The following BMP5 variants were observed in gnomAD, a reference collection of about 807,000 sequenced individuals.
BMP5 encodes the protein bone morphogenetic protein 5.
In BMP5, 23 loss-of-function variants were observed where a neutral mutation model predicts 46.6. That is an observed-to-expected ratio of 0.49 (90% CI 0.35 to 0.70). The LOEUF is 0.70. Ranked by LOEUF, BMP5 falls within the 30% of genes least tolerant of loss-of-function variation. The probability of loss-of-function intolerance (pLI) is 0.00; values close to 1 mark genes in which losing one functional copy is unlikely to be tolerated. For missense variants in BMP5, 545 were observed against 565.6 expected (o/e 0.96, Z 0.37); for synonymous variants, 204 against 191.9 (o/e 1.06, Z -0.52).
chr6:55,756,922 A>T (rs1022695535), intron 6 of BMP5, among the ~76,000 whole-genome samples: 6 of 152,076 alleles, frequency 3.9e-5, no homozygotes, highest in African/African-American at 1.2e-4. Flanking sequence ...AGTCACAAAC[A>T]TGCTTTCCTC....
At chr6:55,864,212 T>A (rs1296570781) in intron 1 of BMP5, among the ~76,000 whole-genome samples, 3 of 152,156 alleles carry the variant, frequency 2.0e-5, no homozygotes, top group Non-Finnish European at 4.4e-5. Context: ...CCATCACAAT[T>A]AAAAATCTAG....
chr6:55,783,275 A>T (rs761879057), intron 3 of BMP5, among the ~76,000 whole-genome samples: 3 of 152,102 alleles, frequency 2.0e-5, no homozygotes, highest in South Asian at 2.1e-4. Context: ...GAGTGGGGAT[A>T]TATAATTTAA....
intron 1 of BMP5, among the ~76,000 whole-genome samples, chr6:55,853,138 TAAATA>T (rs750937640): frequency 0.074 from 7,860 of 106,908 alleles, 134 homozygotes; most frequent in East Asian, 0.12. Flanking sequence ...CTCAAATACA[TAAATA>T]AAATAAAATA....
chr6:55,803,826 G>A, intron 2 of BMP5, among the ~76,000 whole-genome samples: 1 of 152,192 alleles, frequency 6.6e-6, no homozygotes, highest in East Asian at 1.9e-4. Context: ...GCATGAGAAA[G>A]ACATGGTTTC....
intron 1 of BMP5, among the ~76,000 whole-genome samples, chr6:55,857,031 A>T (rs935756447): frequency 6.6e-6 from 1 of 152,144 alleles, no homozygotes; most frequent in South Asian, 2.1e-4. Flanking sequence ...GTAAAGTTTT[A>T]TGTGGTTCAT....
chr6:55,800,610 A>G (rs555346944), intron 2 of BMP5, among the ~76,000 whole-genome samples: 2 of 152,284 alleles, frequency 1.3e-5, no homozygotes, highest in South Asian at 4.1e-4. Flanking sequence ...CTATTTTTCT[A>G]GTCAGCTGAA....
intron 1 of BMP5, among the ~76,000 whole-genome samples, chr6:55,850,685 T>C (rs1777218447): frequency 6.6e-6 from 1 of 152,200 alleles, no homozygotes; most frequent in Non-Finnish European, 1.5e-5. Context: ...GGCACTGCCA[T>C]TCATCATAAG....
intron 1 of BMP5, among the ~76,000 whole-genome samples, chr6:55,862,215 T>A (rs1777540541): frequency 6.6e-6 from 1 of 152,240 alleles, no homozygotes; most frequent in South Asian, 2.1e-4. Flanking sequence ...TATATCCATA[T>A]TTTGATGCAA....
chr6:55,827,869 A>C (rs1776568976), intron 1 of BMP5, among the ~76,000 whole-genome samples: 1 of 151,822 alleles, frequency 6.6e-6, no homozygotes, highest in Non-Finnish European at 1.5e-5. Context: ...AATATTTGAG[A>C]ATGTTTTGTG....
At chr6:55,762,269 C>T (rs934312177) in intron 4 of BMP5, among the ~76,000 whole-genome samples, 1 of 152,012 alleles carries the variant, frequency 6.6e-6, no homozygotes, top group Non-Finnish European at 1.5e-5. Flanking sequence ...ATTTGTTTTA[C>T]AGTTTTTGTT....
chr6:55,862,977 C>T (rs1304431073), intron 1 of BMP5, among the ~76,000 whole-genome samples: 3 of 152,094 alleles, frequency 2.0e-5, no homozygotes, highest in African/African-American at 7.2e-5. Flanking sequence ...AAGTATGTGA[C>T]ATTGAGCAAA....
At chr6:55,761,349 A>T (rs1468450419) in intron 4 of BMP5, among the ~76,000 whole-genome samples, 3 of 152,050 alleles carry the variant, frequency 2.0e-5, no homozygotes, top group African/African-American at 7.2e-5. Context: ...GGACCTTTTA[A>T]CAAGTAAACT....
chr6:55,800,531 C>T (rs774595403), intron 2 of BMP5, among the ~76,000 whole-genome samples: 7 of 151,916 alleles, frequency 4.6e-5, no homozygotes, highest in South Asian at 2.1e-4. Flanking sequence ...CCTTATAATT[C>T]GATATATAAG....
chr6:55,800,829 TA>T (rs566493116), intron 2 of BMP5, among the ~76,000 whole-genome samples: 99 of 152,318 alleles, frequency 6.5e-4, no homozygotes, highest in Non-Finnish European at 8.4e-4. Flanking sequence ...ACTTAGCCAA[TA>T]GGGGGATCAG....
chr6:55,830,710 T>C (rs1278233023), intron 1 of BMP5, among the ~76,000 whole-genome samples: 1 of 152,134 alleles, frequency 6.6e-6, no homozygotes, highest in Non-Finnish European at 1.5e-5. Flanking sequence ...AACTAACTCA[T>C]ATATACTGTT....
chr6:55,800,223 G>T (rs1247072113), intron 2 of BMP5, among the ~76,000 whole-genome samples: 1 of 152,090 alleles, frequency 6.6e-6, no homozygotes, highest in African/African-American at 2.4e-5. Context: ...TAGTGATAAA[G>T]GCATAATGTC....
chr6:55,839,697 C>T (rs975230619), intron 1 of BMP5, among the ~76,000 whole-genome samples: 1 of 152,162 alleles, frequency 6.6e-6, no homozygotes, highest in Non-Finnish European at 1.5e-5. Context: ...GTTATATGTA[C>T]ATTTTCTTTA....
At chr6:55,823,802 A>G (rs909020222) in intron 1 of BMP5, among the ~76,000 whole-genome samples, 1 of 151,916 alleles carries the variant, frequency 6.6e-6, no homozygotes, top group Admixed American at 6.6e-5. Flanking sequence ...TTCTTTTAGA[A>G]CACACCTCCT....
intron 4 of BMP5, among the ~76,000 whole-genome samples, chr6:55,767,448 A>G (rs1016420841): frequency 6.6e-6 from 1 of 152,052 alleles, no homozygotes; most frequent in Admixed American, 6.6e-5. Flanking sequence ...CAAGGCAGGT[A>G]TAATTAACAT....
Sources: allele counts gnomAD v4.1 joint callset (sites outside exome capture counted in the v4.1 genomes callset), GRCh38; gene constraint gnomAD v4.1.1; transcripts MANE v1.5; gene names NCBI Gene and HGNC (gene_info 2026-07-23, HGNC 2026-07-21).